The following GNAO1 variants were observed in gnomAD, a reference collection of about 807,000 sequenced individuals.
The protein encoded by GNAO1 is guanine nucleotide-binding protein G(o) subunit alpha.
For synonymous variants in GNAO1, 164 were observed against 180.7 expected (o/e 0.91, Z 0.74); for missense variants, 166 against 478.7 (o/e 0.35, Z 6.10).
chr16:56,208,448 TGC>T (rs1252310270), intron 2 of GNAO1, among the ~76,000 whole-genome samples: 3,846 of 50,152 alleles, frequency 0.077, 76 homozygotes, highest in Non-Finnish European at 0.096. Context: ...TGTGTGTGTG[TGC>T]GCGCGCGCGC....
intron 3 of GNAO1, among the ~76,000 whole-genome samples, chr16:56,315,100 ATAGGCACCAG>A (rs1198657900): frequency 6.6e-6 from 1 of 152,176 alleles, no homozygotes; most frequent in Non-Finnish European, 1.5e-5. Flanking sequence ...CAGCCTGGGG[ATAGGCACCAG>A]TTGGCCAACC....
intron 3 of GNAO1, among the ~76,000 whole-genome samples, chr16:56,324,582 G>C (rs1456186683): frequency 6.6e-6 from 1 of 152,214 alleles, no homozygotes; most frequent in African/African-American, 2.4e-5. Context: ...TTAGCCCCAG[G>C]TGGAGGCGCC....
intron 2 of GNAO1, among the ~76,000 whole-genome samples, chr16:56,244,808 T>C (rs2036727756): frequency 6.6e-6 from 1 of 152,100 alleles, no homozygotes; most frequent in South Asian, 2.1e-4. Context: ...GTCAGGAGCA[T>C]GGACAGAGCT....
At chr16:56,284,334 G>A (rs1452066501) in intron 3 of GNAO1, among the ~76,000 whole-genome samples, 2 of 152,106 alleles carry the variant, frequency 1.3e-5, no homozygotes, top group Non-Finnish European at 2.9e-5. Flanking sequence ...CCTGATCCAA[G>A]GCTGGATCGG....
intron 3 of GNAO1, among the ~76,000 whole-genome samples, chr16:56,320,095 G>T (rs2037556111): frequency 6.6e-6 from 1 of 152,252 alleles, no homozygotes; most frequent in Admixed American, 6.5e-5. Flanking sequence ...CCTGTAGGTG[G>T]CCTTGAGAAA....
rs34175199 is a variant in GNAO1, at chr16:56,356,773, C to CT, written c.*713dup. On this transcript the variant is annotated 3_prime_UTR_variant, in exon 9 of 9. Coordinates refer to ENST00000262493, the MANE Select transcript of GNAO1 (RefSeq NM_020988.3). Reference sequence around the variant, plus strand: ...AGCCTTTGTAGGGGTTTTTTGGTTCCTTTTTTTTTTTTTTCAGTTTTTGTT... The same window carrying CT: ...AGCCTTTGTAGGGGTTTTTTGGTTCCTTTTTTTTTTTTTTTCAGTTTTTGTT... The CT allele has an allele frequency of 5.5e-4, 78 of 142,792 alleles. No homozygotes were observed. The highest frequency in any genetic ancestry group is 1.2e-3 in the East Asian group (6 of 4,938). The allele number at this position is 142,792 out of a possible 1,614,324, so 8.8% of individuals were successfully genotyped here.
rs530735340 is a variant in GNAO1 at position 56,288,914 on chromosome 16, C to A, written c.303+12842C>A. On this transcript the variant is annotated intron_variant, in intron 3 of 8. Coordinates refer to ENST00000262493, the MANE Select transcript of GNAO1 (RefSeq NM_020988.3). ...CATCCATTAGATCTGAGGAACGACA[C>A]CGAAGATCGCCCCTCCCCCACCCTA... Among the ~76,000 whole-genome samples, 174 of 152,228 alleles carry A rather than the reference C, an allele frequency of 1.1e-3. 1 individual carries two copies. The highest frequency in any genetic ancestry group is 4.1e-3 in the African/African-American group (170 of 41,530).
intron 4 of GNAO1, among the ~76,000 whole-genome samples, chr16:56,331,190 G>A (rs2037684992): frequency 6.6e-6 from 1 of 152,168 alleles, no homozygotes; most frequent in Non-Finnish European, 1.5e-5. Context: ...CTTTACAGGG[G>A]AGGGACCAGG....
intron 2 of GNAO1, among the ~76,000 whole-genome samples, chr16:56,229,834 G>A (rs2036571750): frequency 6.6e-6 from 1 of 152,112 alleles, no homozygotes; most frequent in African/African-American, 2.4e-5. Flanking sequence ...GTGAGTGTCT[G>A]TGGAATGAAC....
chr16:56,266,472 C>G (rs2036955134), intron 2 of GNAO1, among the ~76,000 whole-genome samples: 1 of 152,214 alleles, frequency 6.6e-6, no homozygotes, highest in African/African-American at 2.4e-5. Context: ...TTCTGCCCAA[C>G]CAGTGGTCCC....
chr16:56,265,964 C>T (rs376264258), intron 2 of GNAO1, among the ~76,000 whole-genome samples: 5 of 152,076 alleles, frequency 3.3e-5, no homozygotes, highest in African/African-American at 7.2e-5. Flanking sequence ...TGCCCCGGGG[C>T]CTTTGCTCTT....
At chr16:56,242,516 T>C (rs1167778688) in intron 2 of GNAO1, among the ~76,000 whole-genome samples, 1 of 152,174 alleles carries the variant, frequency 6.6e-6, no homozygotes, top group Admixed American at 6.5e-5. Flanking sequence ...AATAAACTTA[T>C]ACATCTATGA....
intron 2 of GNAO1, among the ~76,000 whole-genome samples, chr16:56,216,900 A>G (rs2036441330): frequency 6.6e-6 from 1 of 152,222 alleles, no homozygotes; most frequent in South Asian, 2.1e-4. Flanking sequence ...TACATTGTCA[A>G]ATGGGAATAA....
chr16:56,289,694 G>T (rs575140954), intron 3 of GNAO1, among the ~76,000 whole-genome samples: 1 of 152,250 alleles, frequency 6.6e-6, no homozygotes, highest in South Asian at 2.1e-4. Flanking sequence ...TGAGGAGGGG[G>T]TACGGAGGCC....
rs141418195 is a variant in GNAO1, at chr16:56,196,316, G to C, written c.161+3700G>C. Among the ~76,000 whole-genome samples the C allele has an allele frequency of 1.1e-3, 161 of 152,198 alleles. No homozygotes were observed. In the East Asian group the frequency reaches 0.022, roughly 21 times the overall value. ...TTTGCATGGCATTTTAAATAATTTT[G>C]CTTGTTAGGGGGTTGTGACCTCACC... On this transcript the variant is annotated intron_variant, in intron 2 of 8. Transcript: ENST00000262493.
At chr16:56,324,740 C>A (rs1358761648) in intron 3 of GNAO1, among the ~76,000 whole-genome samples, 1 of 152,234 alleles carries the variant, frequency 6.6e-6, no homozygotes, top group Non-Finnish European at 1.5e-5. Context: ...AGTCAGACCC[C>A]ACGGGCTGGG....
chr16:56,230,550 C>T (rs2143396053), intron 2 of GNAO1, among the ~76,000 whole-genome samples: 2 of 152,146 alleles, frequency 1.3e-5, no homozygotes, highest in Middle Eastern at 3.4e-3. Flanking sequence ...ATTGGAATAG[C>T]CTTTATGGTT....
intron 2 of GNAO1, among the ~76,000 whole-genome samples, chr16:56,234,064 C>A (rs1166666705): frequency 6.6e-6 from 1 of 152,238 alleles, no homozygotes; most frequent in Non-Finnish European, 1.5e-5. Context: ...TGATTCACTT[C>A]TTTCCTTGGC....
chr16:56,256,138 T>A (rs114862342), intron 2 of GNAO1, among the ~76,000 whole-genome samples: 1,810 of 152,140 alleles, frequency 0.012, 41 homozygotes, highest in African/African-American at 0.042. Context: ...GAGCCCAGAG[T>A]GGCAGCAGTC....
Sources: allele counts gnomAD v4.1 joint callset (sites outside exome capture counted in the v4.1 genomes callset), GRCh38; gene constraint gnomAD v4.1.1; transcripts MANE v1.5; gene names NCBI Gene and HGNC (gene_info 2026-07-23, HGNC 2026-07-21).